The following DAPK1 variants were observed in gnomAD, a reference collection of about 807,000 sequenced individuals.
The protein encoded by DAPK1 is death associated protein kinase 1.
A neutral mutation model predicts 144.9 loss-of-function variants in DAPK1; 56 were observed. The observed-to-expected ratio is 0.39, with a 90% CI of 0.31 to 0.48. DAPK1 has a LOEUF of 0.48. DAPK1 is among the 20% of genes least tolerant of loss of function. The pLI, the probability that DAPK1 is intolerant of heterozygous loss-of-function variation, is 0.95. For missense variants in DAPK1, 1,454 were observed against 1,875.4 expected, an observed-to-expected ratio of 0.78 and a Z score of 4.15; for synonymous variants, 690 against 749.0, an observed-to-expected ratio of 0.92 and a Z score of 1.29.
chr9:87,622,007 A>C lies in DAPK1; in HGVS notation c.285-15936A>C, dbSNP rs533754773. Among the ~76,000 whole-genome samples, 116 of 150,404 alleles carry C rather than the reference A, an allele frequency of 7.7e-4. 4 individuals carry two copies. The South Asian group carries it at 0.023, about 30-fold the overall frequency. On this transcript the variant is annotated intron_variant, in intron 3 of 25. Coordinates refer to ENST00000408954, the MANE Select transcript of DAPK1 (RefSeq NM_004938.4). ...GGGCCCATGGAATGACTTGGGATGC[A>C]CATTGAGCCACCATTCTAGAATGGC...
At chr9:87,665,754 G>A (rs543645608) in intron 18 of DAPK1, among the ~76,000 whole-genome samples, 2 of 152,290 alleles carry the variant, frequency 1.3e-5, no homozygotes, top group South Asian at 2.1e-4. Context: ...TATGTCATGG[G>A]GCCAACTTGG....
intron 2 of DAPK1, among the ~76,000 whole-genome samples, chr9:87,557,378 C>T (rs111344139): frequency 5.9e-5 from 9 of 152,324 alleles, no homozygotes; most frequent in African/African-American, 1.4e-4. Context: ...CTGCCTTCCT[C>T]GTCCTTCCAA....
chr9:87,644,121 T>C (rs1013590074), intron 11 of DAPK1, among the ~76,000 whole-genome samples: 2 of 152,206 alleles, frequency 1.3e-5, no homozygotes, highest in Admixed American at 1.3e-4. Flanking sequence ...CAAAGATTTA[T>C]CAAATTTGTT....
chr9:87,667,301 G>C (rs1831093183), intron 18 of DAPK1, among the ~76,000 whole-genome samples: 1 of 152,200 alleles, frequency 6.6e-6, no homozygotes, highest in South Asian at 2.1e-4. Flanking sequence ...TGCACAGCAA[G>C]CCTCCACTGG....
chr9:87,677,294 G>GC (rs1218230475), intron 19 of DAPK1, among the ~76,000 whole-genome samples: 1 of 152,334 alleles, frequency 6.6e-6, no homozygotes, highest in South Asian at 2.1e-4. Flanking sequence ...GGCATAGCTT[G>GC]CCCTCATACA....
chr9:87,535,906 C>CT (rs1825846477), intron 2 of DAPK1, among the ~76,000 whole-genome samples: 1 of 152,110 alleles, frequency 6.6e-6, no homozygotes, highest in African/African-American at 2.4e-5. Context: ...CATCTGGGTG[C>CT]TTTTTATTTT....
chr9:87,511,817 T>A (rs1402386096), intron 2 of DAPK1, among the ~76,000 whole-genome samples: 2 of 151,832 alleles, frequency 1.3e-5, no homozygotes, highest in Non-Finnish European at 2.9e-5. Context: ...TTCAAGCGAT[T>A]CTCCTGCCTC....
chr9:87,526,412 A>G (rs1825510781), intron 2 of DAPK1, among the ~76,000 whole-genome samples: 1 of 152,184 alleles, frequency 6.6e-6, no homozygotes, highest in Admixed American at 6.5e-5. Context: ...GAATCATGGC[A>G]TATATACCTT....
intron 3 of DAPK1, chr9:87,633,186 A>G: frequency 2.0e-6 from 2 of 983,068 alleles, no homozygotes; most frequent in Non-Finnish European, 2.4e-6. Context: ...AAGGGTGATC[A>G]GTATATATGT....
chr9:87,511,253 T>C (rs951165229), intron 2 of DAPK1, among the ~76,000 whole-genome samples: 4 of 152,220 alleles, frequency 2.6e-5, no homozygotes, highest in African/African-American at 9.6e-5. Context: ...ACTCAGTTTA[T>C]GTGCCGAGCT....
chr9:87,545,672 A>G (rs1309398348), intron 2 of DAPK1, among the ~76,000 whole-genome samples: 6 of 152,098 alleles, frequency 3.9e-5, no homozygotes, highest in Admixed American at 6.5e-5. Flanking sequence ...CAGCCTCCCA[A>G]GTAGCTGGGA....
chr9:87,498,247 G>C (rs1824254317), intron 1 of DAPK1, 140 bp downstream of exon 1: 2 of 395,340 alleles, frequency 5.1e-6, no homozygotes, highest in African/African-American at 4.1e-5. Context: ...CTTGGCTTCG[G>C]GGAGAAGTGC....
rs35103434 is a variant in DAPK1 at position 87,560,165 on chromosome 9, ATT to A, written c.63-44780_63-44779del. Among the ~76,000 whole-genome samples, 6 of 148,172 alleles carry A rather than the reference ATT, an allele frequency of 4.0e-5. No individual in the cohort carries two copies. The East Asian group carries it at 8.0e-4, about 20-fold the overall frequency. On this transcript the variant is annotated intron_variant, in intron 2 of 25. Transcript: ENST00000408954. Reference sequence around the variant, plus strand: ...GCCACCACGCCTGGCTAATTTTTGTATTTTTTTTTTAGTAGAGACGGGGTTTC... The same window carrying A: ...GCCACCACGCCTGGCTAATTTTTGTATTTTTTTTAGTAGAGACGGGGTTTC...
chr9:87,703,578 C>G (rs988836554), intron 25 of DAPK1, among the ~76,000 whole-genome samples: 1 of 152,154 alleles, frequency 6.6e-6, no homozygotes, highest in South Asian at 2.1e-4. Flanking sequence ...TTCTTTGTAT[C>G]AGCGTGGAGT....
chr9:87,704,021 C>G (rs1564079679), intron 25 of DAPK1, among the ~76,000 whole-genome samples: 1 of 152,194 alleles, frequency 6.6e-6, no homozygotes, highest in Non-Finnish European at 1.5e-5. Flanking sequence ...GGTGCCAGGT[C>G]TGGCCCTATA....
chr9:87,518,432 T>C (rs1409038258), intron 2 of DAPK1, among the ~76,000 whole-genome samples: 1 of 152,020 alleles, frequency 6.6e-6, no homozygotes, highest in African/African-American at 2.4e-5. Flanking sequence ...CCAGCCATAT[T>C]TGCCCTTTAA....
intron 2 of DAPK1, among the ~76,000 whole-genome samples, chr9:87,531,370 G>A (rs1032755276): frequency 4.6e-5 from 7 of 152,188 alleles, no homozygotes; most frequent in Non-Finnish European, 8.8e-5. Flanking sequence ...TTCCCTTGGG[G>A]CTTTCCTGTG....
rs559777224 is a variant in DAPK1, at chr9:87,538,637, A to C, written c.62+39498A>C. Among the ~76,000 whole-genome samples, 7 of 152,294 alleles carry C rather than the reference A, an allele frequency of 4.6e-5. No homozygotes were observed. In the South Asian group the frequency reaches 1.0e-3, roughly 23 times the overall value. Reference sequence around the variant, plus strand: ...CTGAAATAAGTGAGACCCAGTATTGATGGGAATGACTTTCTGCCCAGCTGT... The same window carrying C: ...CTGAAATAAGTGAGACCCAGTATTGCTGGGAATGACTTTCTGCCCAGCTGT... On this transcript the variant is annotated intron_variant, in intron 2 of 25. Transcript: ENST00000408954.
chr9:87,572,941 T>C (rs955765120), intron 2 of DAPK1, among the ~76,000 whole-genome samples: 1 of 152,162 alleles, frequency 6.6e-6, no homozygotes, highest in Non-Finnish European at 1.5e-5. Context: ...AAGCTAGATA[T>C]TGCCAAGCCT....
Sources: gnomAD v4.1 joint callset for allele counts (sites outside exome capture counted in the v4.1 genomes callset) on GRCh38, gnomAD v4.1.1 for gene constraint, MANE v1.5 for transcripts, NCBI Gene and HGNC (gene_info 2026-07-23, HGNC 2026-07-21) for gene names.